SYN3: variants seen among roughly 807,000 people sequenced by gnomAD.
The protein encoded by SYN3 is synapsin-3.
A neutral mutation model predicts 65.8 loss-of-function variants in SYN3; 35 were observed. The ratio of observed to expected loss-of-function variants is 0.53; its 90% CI spans 0.41 to 0.70. The LOEUF (loss-of-function observed/expected upper bound fraction) is 0.70. SYN3 is among the 30% of genes least tolerant of loss of function. SYN3 has a pLI of 0.00. For missense variants in SYN3, 680 were observed against 749.0 expected, an observed-to-expected ratio of 0.91 and a Z score of 1.08; for synonymous variants, 270 against 292.9, an observed-to-expected ratio of 0.92 and a Z score of 0.80.
At chr22:32,793,184 A>G (rs575897735) in intron 6 of SYN3, among the ~76,000 whole-genome samples, 1 of 152,120 alleles carries the variant, frequency 6.6e-6, no homozygotes, top group Non-Finnish European at 1.5e-5. Context: ...GAGCAGGGAG[A>G]TGATTATTTA....
At chr22:32,778,762 A>T (rs1342143628) in intron 6 of SYN3, among the ~76,000 whole-genome samples, 1 of 152,238 alleles carries the variant, frequency 6.6e-6, no homozygotes, top group Non-Finnish European at 1.5e-5. Flanking sequence ...AGAGGATGAC[A>T]TTATTTTGAA....
At chr22:32,675,109 G>C (rs2060421882) in intron 6 of SYN3, among the ~76,000 whole-genome samples, 1 of 152,180 alleles carries the variant, frequency 6.6e-6, no homozygotes, top group African/African-American at 2.4e-5. Context: ...GGTTGAAACA[G>C]AAACTAAGGG....
chr22:32,778,349 C>T (rs1197508178), intron 6 of SYN3, among the ~76,000 whole-genome samples: 2 of 152,070 alleles, frequency 1.3e-5, no homozygotes, highest in African/African-American at 4.8e-5. Flanking sequence ...AGTGCAGAGG[C>T]ACGATCTTGG....
At chr22:32,690,419 T>C (rs1223932381) in intron 6 of SYN3, among the ~76,000 whole-genome samples, 2 of 152,194 alleles carry the variant, frequency 1.3e-5, no homozygotes, top group Admixed American at 1.3e-4. Flanking sequence ...GCACATACTC[T>C]TTCTCCACAC....
intron 3 of SYN3, among the ~76,000 whole-genome samples, chr22:32,937,734 G>A (rs571732460): frequency 4.6e-5 from 7 of 152,098 alleles, no homozygotes; most frequent in African/African-American, 1.7e-4. Flanking sequence ...AGATTTAGGT[G>A]GGGCACAGAG....
At chr22:32,558,724 A>G (rs1024168542) in intron 7 of SYN3, among the ~76,000 whole-genome samples, 13 of 152,070 alleles carry the variant, frequency 8.5e-5, no homozygotes, top group African/African-American at 3.1e-4. Context: ...TACCAGCCAA[A>G]CTCTATTGCC....
At chr22:33,037,716 A>G (rs2053885316) in intron 1 of SYN3, among the ~76,000 whole-genome samples, 1 of 152,146 alleles carries the variant, frequency 6.6e-6, no homozygotes, top group South Asian at 2.1e-4. Context: ...TCTAGAACTA[A>G]CAGGCTTTTA....
intron 7 of SYN3, among the ~76,000 whole-genome samples, chr22:32,542,299 C>T (rs11704755): frequency 1.3e-5 from 2 of 151,802 alleles, no homozygotes; most frequent in African/African-American, 2.4e-5. Flanking sequence ...AAGAAGGGAG[C>T]GTGCATGTGT....
At chr22:32,556,805 T>G in intron 7 of SYN3, among the ~76,000 whole-genome samples, 1 of 22,618 alleles carries the variant, frequency 4.4e-5, no homozygotes, top group Non-Finnish European at 9.4e-5. Context: ...GGTTTCCTGG[T>G]TTTTTTTTTT....
At chr22:32,621,203 A>G (rs2059588595) in intron 6 of SYN3, among the ~76,000 whole-genome samples, 1 of 151,954 alleles carries the variant, frequency 6.6e-6, no homozygotes, top group South Asian at 2.1e-4. Context: ...TTGCTGGGCC[A>G]CTTGTGTTAA....
chr22:32,772,023 G>A (rs956597563), intron 6 of SYN3, among the ~76,000 whole-genome samples: 1 of 152,134 alleles, frequency 6.6e-6, no homozygotes, highest in Non-Finnish European at 1.5e-5. Flanking sequence ...AGGCTGTCTG[G>A]AGAGCAGTTT....
At chr22:32,976,054 G>A (rs1229039839) in intron 3 of SYN3, among the ~76,000 whole-genome samples, 1 of 152,184 alleles carries the variant, frequency 6.6e-6, no homozygotes, top group Non-Finnish European at 1.5e-5. Context: ...TACGGGGTCT[G>A]AAGTGTTTAA....
chr22:32,689,242 A>G (rs932445737), intron 6 of SYN3, among the ~76,000 whole-genome samples: 16 of 152,260 alleles, frequency 1.1e-4, no homozygotes, highest in Non-Finnish European at 1.5e-4. Flanking sequence ...TGCATGTCAG[A>G]ATGAGTGGAA....
chr22:32,979,860 G>C (rs241731), intron 3 of SYN3, among the ~76,000 whole-genome samples: 46,991 of 152,042 alleles, frequency 0.31, 8,039 homozygotes, highest in East Asian at 0.74. Flanking sequence ...CACAAGGTTA[G>C]TAAGGGGCGG....
At chr22:32,864,855 A>T in intron 6 of SYN3, 60 bp downstream of exon 6, 3 of 1,480,840 alleles carry the variant, frequency 2.0e-6, no homozygotes, top group Non-Finnish European at 2.8e-6. Context: ...GAGACCGAGG[A>T]CAAGTCATCT....
At chr22:32,537,760 T>C (rs1744744205) in intron 9 of SYN3, among the ~76,000 whole-genome samples, 1 of 152,196 alleles carries the variant, frequency 6.6e-6, no homozygotes, top group Admixed American at 6.5e-5. Flanking sequence ...ATCAGGGTTC[T>C]ACTCTCAGCT....
intron 6 of SYN3, among the ~76,000 whole-genome samples, chr22:32,704,233 A>C (rs2060849418): frequency 6.6e-6 from 1 of 152,052 alleles, no homozygotes; most frequent in Admixed American, 6.6e-5. Context: ...CTCCTGGCTC[A>C]AACAGGCTCC....
rs374161455 is a variant in SYN3 at position 32,883,354 on chromosome 22, G to A, written c.462-14229C>T. On this transcript the variant is annotated intron_variant, in intron 4 of 13. Coordinates refer to ENST00000358763, the MANE Select transcript of SYN3 (RefSeq NM_003490.4). Reference sequence around the variant, plus strand: ...GATCTTGATGGCTTCCAGCTCAGTCGGATGCCCATCAAAAGAAGCAGAGGG... The same window carrying A: ...GATCTTGATGGCTTCCAGCTCAGTCAGATGCCCATCAAAAGAAGCAGAGGG... 3.3e-5 allele frequency among the ~76,000 whole-genome samples: 5 copies of A among 152,280 alleles called. No homozygotes were observed. The East Asian group carries it at 5.8e-4, about 18-fold the overall frequency.
intron 6 of SYN3, among the ~76,000 whole-genome samples, chr22:32,691,037 T>C (rs1488680998): frequency 1.3e-5 from 2 of 152,052 alleles, no homozygotes. Context: ...GGGTGACACA[T>C]TTGTGGAATA....
Sources: allele counts gnomAD v4.1 joint callset (sites outside exome capture counted in the v4.1 genomes callset), GRCh38; gene constraint gnomAD v4.1.1; transcripts MANE v1.5; gene names NCBI Gene and HGNC (gene_info 2026-07-23, HGNC 2026-07-21).